KCNMA1: variants seen among roughly 807,000 people sequenced by gnomAD.
KCNMA1 encodes the protein Calcium-activated potassium channel subunit alpha-1.
In KCNMA1, 29 loss-of-function variants were observed where a neutral mutation model predicts 140.0. That is an observed-to-expected ratio of 0.21 (90% CI 0.15 to 0.28). KCNMA1 has a LOEUF of 0.28. Among genes scored for constraint, KCNMA1 ranks in the 10% least tolerant of loss-of-function variants. The pLI is 1.00. For synonymous variants in KCNMA1, 612 were observed against 611.9 expected (o/e 1.00, Z 0.00); for missense variants, 880 against 1,602.2 (o/e 0.55, Z 7.70).
chr10:77,218,938 C>T lies in KCNMA1; in HGVS notation c.602+32257G>A, dbSNP rs531405603. Among the ~76,000 whole-genome samples the T allele has an allele frequency of 9.9e-5, 15 of 152,274 alleles. No homozygotes were observed. In the East Asian group the frequency reaches 2.5e-3, roughly 26 times the overall value. ...TTGGCCTCAAGTGATCTGCCCGCCT[C>T]GGCCTCCCAAAGTGCTGGGATTACA... On this transcript the variant is annotated intron_variant, in intron 3 of 27. Coordinates refer to ENST00000286628, the MANE Select transcript of KCNMA1 (RefSeq NM_001161352.2).
intron 1 of KCNMA1, among the ~76,000 whole-genome samples, chr10:77,528,406 T>C (rs2056546101): frequency 6.6e-6 from 1 of 151,972 alleles, no homozygotes. Context: ...GTCAGGAGTT[T>C]GAGACCAGCC....
At chr10:76,928,590 C>T (rs1410166023) in intron 23 of KCNMA1, among the ~76,000 whole-genome samples, 1 of 152,106 alleles carries the variant, frequency 6.6e-6, no homozygotes, top group Admixed American at 6.6e-5. Context: ...TATTTATATT[C>T]CGACTACTGT....
chr10:77,567,189 A>G (rs2068645995), intron 1 of KCNMA1, among the ~76,000 whole-genome samples: 1 of 152,310 alleles, frequency 6.6e-6, no homozygotes, highest in East Asian at 1.9e-4. Flanking sequence ...GCTCAACGCA[A>G]TGTTCAGATT....
chr10:77,354,932 T>C (rs7903931), intron 2 of KCNMA1, among the ~76,000 whole-genome samples: 36,174 of 152,182 alleles, frequency 0.24, 5,458 homozygotes, highest in Non-Finnish European at 0.35. Context: ...TACCAAAACA[T>C]ATGCCTTCTG....
At chr10:77,371,216 G>C (rs76150532) in intron 2 of KCNMA1, among the ~76,000 whole-genome samples, 1 of 152,010 alleles carries the variant, frequency 6.6e-6, no homozygotes, top group Non-Finnish European at 1.5e-5. Flanking sequence ...TGTGGTTCTC[G>C]GGCAAGGTGA....
intron 2 of KCNMA1, among the ~76,000 whole-genome samples, chr10:77,276,846 G>A (rs2066827259): frequency 1.3e-5 from 2 of 151,850 alleles, no homozygotes; most frequent in Non-Finnish European, 2.9e-5. Context: ...TTTGTGCCAG[G>A]CACTATTCTA....
intron 1 of KCNMA1, among the ~76,000 whole-genome samples, chr10:77,579,567 T>C (rs936227319): frequency 4.6e-5 from 7 of 152,330 alleles, no homozygotes; most frequent in African/African-American, 7.2e-5. Context: ...TTTAAAGAGA[T>C]AGAACCCATC....
At chr10:77,199,414 T>A (rs1011917247) in intron 3 of KCNMA1, among the ~76,000 whole-genome samples, 1 of 152,228 alleles carries the variant, frequency 6.6e-6, no homozygotes, top group African/African-American at 2.4e-5. Flanking sequence ...TTAAAAATTC[T>A]ACTGATTACC....
At chr10:77,301,880 C>A (rs2076612589) in intron 2 of KCNMA1, among the ~76,000 whole-genome samples, 1 of 150,334 alleles carries the variant, frequency 6.7e-6, no homozygotes, top group Non-Finnish European at 1.5e-5. Context: ...TGTTTTCAAC[C>A]CATCAGAAAG....
chr10:77,324,961 C>G (rs918414765), intron 2 of KCNMA1, among the ~76,000 whole-genome samples: 2,633 of 131,938 alleles, frequency 0.02, 25 homozygotes, highest in Middle Eastern at 0.027. Flanking sequence ...CTCTCTCTCT[C>G]TCTCTCTCTC....
rs1554837395 is a variant in KCNMA1 at position 77,117,561 on chromosome 10, A to AAAAAG, written c.884+3407_884+3411dup. 3.9e-3 allele frequency among the ~76,000 whole-genome samples: 579 copies of AAAAAG among 147,450 alleles called. 10 individuals are homozygous for AAAAAG. The highest frequency in any genetic ancestry group is 0.014 in the African/African-American group (549 of 38,538). On this transcript the variant is annotated intron_variant, in intron 6 of 27. Transcript: ENST00000286628. ...TCTCAAAAAAAAAAAAAAAAAAAAAAAAAAGAAAAGAAAAGAAAAGAAAAA... is the reference window on the plus strand; with the variant it reads ...TCTCAAAAAAAAAAAAAAAAAAAAAAAAAAGAAAAGAAAAGAAAAGAAAAGAAAAA...
chr10:77,367,352 C>T (rs542634976), intron 2 of KCNMA1, among the ~76,000 whole-genome samples: 2 of 152,262 alleles, frequency 1.3e-5, no homozygotes, highest in Admixed American at 6.5e-5. Context: ...CTTGGAAGAA[C>T]TATGGATCCG....
At chr10:76,893,349 G>C (rs1424680228) in intron 25 of KCNMA1, among the ~76,000 whole-genome samples, 1 of 152,112 alleles carries the variant, frequency 6.6e-6, no homozygotes, top group Non-Finnish European at 1.5e-5. Flanking sequence ...ACTTTCCTTT[G>C]AATTTTTAAT....
At chr10:77,555,900 A>G (rs1480066378) in intron 1 of KCNMA1, among the ~76,000 whole-genome samples, 2 of 152,166 alleles carry the variant, frequency 1.3e-5, no homozygotes, top group African/African-American at 4.8e-5. Flanking sequence ...CCCTGGATGA[A>G]CTGTTACATC....
intron 1 of KCNMA1, among the ~76,000 whole-genome samples, chr10:77,629,497 C>T (rs999002943): frequency 3.9e-5 from 6 of 152,280 alleles, no homozygotes; most frequent in African/African-American, 1.4e-4. Flanking sequence ...ATATTTGCCA[C>T]CCCCAACCAA....
intron 2 of KCNMA1, among the ~76,000 whole-genome samples, chr10:77,335,014 T>C (rs2088281474): frequency 6.6e-6 from 1 of 152,112 alleles, no homozygotes; most frequent in Non-Finnish European, 1.5e-5. Context: ...TGGCCACATA[T>C]TGGACCCTCA....
chr10:77,084,493 C>CAGGCCTATGCAGT, intron 12 of KCNMA1, 144 bp downstream of exon 12: 1 of 725,010 alleles, frequency 1.4e-6, no homozygotes, highest in Non-Finnish European at 2.4e-6. Context: ...TCGGCTCCCC[C>CAGGCCTATGCAGT]AGGCCTATGC....
intron 3 of KCNMA1, among the ~76,000 whole-genome samples, chr10:77,194,138 T>G (rs1338131048): frequency 3.9e-5 from 6 of 152,144 alleles, no homozygotes; most frequent in African/African-American, 1.2e-4. Context: ...TCAAGGCACT[T>G]CATATCAAGG....
downstream of KCNMA1, chr10:76,873,130 T>C (rs1217258615): frequency 6.6e-6 from 1 of 152,198 alleles, no homozygotes; most frequent in African/African-American, 2.4e-5. Flanking sequence ...TTTTTATACA[T>C]GTTTTAAGCA....
Sources: allele counts gnomAD v4.1 joint callset (sites outside exome capture counted in the v4.1 genomes callset), GRCh38; gene constraint gnomAD v4.1.1; transcripts MANE v1.5; gene names NCBI Gene and HGNC (gene_info 2026-07-23, HGNC 2026-07-21).